TSPAN4: variants seen among roughly 807,000 people sequenced by gnomAD.
TSPAN4 encodes the protein tetraspanin-4.
A neutral mutation model predicts 31.5 loss-of-function variants in TSPAN4; 38 were observed. The observed-to-expected ratio is 1.21, with a 90% CI of 0.93 to 1.58. The LOEUF (loss-of-function observed/expected upper bound fraction) is 1.58. TSPAN4 is among the 40% of genes most tolerant of loss of function. The pLI is 0.00. For missense variants in TSPAN4, 330 were observed against 317.3 expected (o/e 1.04, Z -0.30); for synonymous variants, 186 against 144.6 (o/e 1.29, Z -2.06).
Position 865,741 on chromosome 11 carries a change from C to T in TSPAN4, c.480C>T (p.Tyr160=). ...ACTACACTGACTGGTTCGAGGTGTA[C>T]AACGCCACGCGGGTACCTGACTCCT... ...VSNYTDWFEV[Y]NATRVPDSCC... is the part of the protein sequence containing the mutation. Residue 160 remains tyrosine (Y), a synonymous_variant, in exon 7 of 9, where the codon TAC becomes TAT. Transcript: ENST00000397397. The T allele has an allele frequency of 6.2e-7, 1 of 1,613,264 alleles. No individual in the cohort carries two copies.
chr11:843,995 T>G (rs1245630925), intron 1 of TSPAN4: 3 of 152,256 alleles, frequency 2.0e-5, no homozygotes, highest in African/African-American at 4.8e-5. Flanking sequence ...GCTTCCCCAG[T>G]GGCATTTGCC....
At chr11:850,119 C>A in intron 2 of TSPAN4, 169 bp from the exon 3 acceptor site, 1 of 491,436 alleles carries the variant, frequency 2.0e-6, no homozygotes, top group Non-Finnish European at 3.6e-6. Context: ...CGGCCCCTTC[C>A]GGCGCTACAG....
intron 4 of TSPAN4, 81 bp downstream of exon 4, chr11:862,822 C>T (rs1848537318): frequency 2.1e-6 from 3 of 1,405,226 alleles, no homozygotes; most frequent in Non-Finnish European, 2.8e-6. Context: ...TTGGCTGCCG[C>T]AGTGACCCCC....
rs1848746866 is a variant in TSPAN4 at position 865,771 on chromosome 11, C to T, written c.510C>T (p.Cys170=). The change falls in exon 7 of 9, where the codon TGC becomes TGT. Residue 170 remains cysteine, a synonymous_variant. Transcript: ENST00000397397. The part of the protein sequence containing the change: ...YNATRVPDSC[C]LEFSESCGLH... ...CCACGCGGGTACCTGACTCCTGCTG[C>T]TTGGAGTTCAGTGAGAGCTGTGGGC... The T allele has an allele frequency of 6.2e-7, 1 of 1,612,956 alleles. No individual in the cohort carries two copies. Among genetic ancestry groups the T allele is most frequent in the Non-Finnish European group, 8.5e-7 (1 of 1,179,814 alleles).
chr11:863,029 A>G lies in TSPAN4; in HGVS notation c.255+288A>G, dbSNP rs117361112. The G allele has an allele frequency of 0.011, 4,249 of 378,410 alleles. 304 individuals are homozygous for G. In the East Asian group the frequency reaches 0.15, roughly 13 times the overall value. The allele number at this position is 378,410 out of a possible 1,614,324, so 23.4% of individuals were successfully genotyped here. A position where few individuals can be genotyped will look rare whatever the true frequency, so the allele number is the denominator to read the frequency against. The stretch of plus-strand genomic sequence containing the variant: ...GACACTGGCCCTGGTGAGTGCAGGC[A>G]CAGCCCCGCACACACGTACACACGC... On this transcript the variant is annotated intron_variant, in intron 4 of 8. Transcript: ENST00000397397.
At chr11:853,567 G>T (rs892481122) in intron 3 of TSPAN4, among the ~76,000 whole-genome samples, 2 of 152,118 alleles carry the variant, frequency 1.3e-5, no homozygotes, top group African/African-American at 4.8e-5. Context: ...GCAAGAGTCT[G>T]TGCTCAGAGC....
intron 2 of TSPAN4, among the ~76,000 whole-genome samples, chr11:849,211 C>T (rs914580210): frequency 5.9e-5 from 9 of 151,876 alleles, no homozygotes; most frequent in Non-Finnish European, 8.8e-5. Context: ...TGCGGGGCTG[C>T]CTGGTGGAGG....
At position 848,993 on chromosome 11, in the gene TSPAN4, G is replaced by T; in HGVS notation, c.-17-1295G>T. On this transcript the variant is annotated intron_variant, in intron 2 of 8. Coordinates refer to ENST00000397397, the MANE Select transcript of TSPAN4 (RefSeq NM_003271.5). The surrounding 1 kb of genome is among the most constrained non-coding windows in gnomAD (Gnocchi z 5.7). ...CTTTTACAGGCTGACTTCCAGCCTG[G>T]GCTGGAGCAAAATGAAATTCTGGGC... 1.6e-6 allele frequency: 1 copy of T among 622,586 alleles called. No individual in the cohort carries two copies. 38.6% of individuals were successfully genotyped at this position (622,586 alleles called of 1,614,324 possible).
chr11:856,766 C>T (rs1848066456), intron 3 of TSPAN4: 1 of 152,290 alleles, frequency 6.6e-6, no homozygotes, highest in African/African-American at 2.4e-5. Context: ...CAGCCCTGCT[C>T]ATCCTGCTTT....
chr11:866,018 T>C lies in TSPAN4; in HGVS notation c.648+17T>C. 6.2e-7 allele frequency: 1 copy of C among 1,609,986 alleles called. No homozygotes were observed. ...CTGGTGCAGGTATGGCCTGGGGGCC[T>C]GCGGGCTCCCTGCCCCCACTTTGTT... On this transcript the variant is annotated intron_variant, in intron 8 of 8. Coordinates refer to ENST00000397397, the MANE Select transcript of TSPAN4 (RefSeq NM_003271.5).
chr11:847,668 C>T (rs993438883), intron 2 of TSPAN4, among the ~76,000 whole-genome samples: 1 of 119,528 alleles, frequency 8.4e-6, no homozygotes, highest in South Asian at 2.9e-4. Flanking sequence ...TTTTTGATTT[C>T]TTCTTGAATA....
At chr11:856,011 T>C (rs1848023802) in intron 3 of TSPAN4, among the ~76,000 whole-genome samples, 1 of 152,168 alleles carries the variant, frequency 6.6e-6, no homozygotes, top group Non-Finnish European at 1.5e-5. Context: ...CTCGATGGAC[T>C]CCAGTGACTG....
chr11:850,139 C>A (rs535682678), intron 2 of TSPAN4, 149 bp from the exon 3 acceptor site: 1 of 591,854 alleles, frequency 1.7e-6, no homozygotes, highest in East Asian at 3.1e-5. Context: ...GCAGCCTATA[C>A]GGGCGCGCGG....
At chr11:846,884 C>T (rs1001175730) in intron 1 of TSPAN4, among the ~76,000 whole-genome samples, 4 of 152,136 alleles carry the variant, frequency 2.6e-5, no homozygotes, top group African/African-American at 7.2e-5. Flanking sequence ...GCTGTGAGTA[C>T]GTCTTTGAAC....
At chr11:855,040 C>T (rs1847971154) in intron 3 of TSPAN4, among the ~76,000 whole-genome samples, 1 of 152,244 alleles carries the variant, frequency 6.6e-6, no homozygotes. Flanking sequence ...AGCGGTCGGT[C>T]GGGGGACACT....
chr11:855,296 G>A (rs977688627), intron 3 of TSPAN4, among the ~76,000 whole-genome samples: 8 of 152,216 alleles, frequency 5.3e-5, no homozygotes, highest in Non-Finnish European at 1.0e-4. Context: ...GGGGACGGGA[G>A]TGAGCGTGGG....
At chr11:866,133 G>A (rs11246335) in intron 8 of TSPAN4, 132 bp downstream of exon 8, 36,610 of 931,640 alleles carry the variant, frequency 0.039, 927 homozygotes, top group Non-Finnish European at 0.051. Flanking sequence ...GCAGGAGGGC[G>A]AGTTCAGGGG....
chr11:865,232 CGTGTCCCGATACGTGGAGGCACCT>C, intron 5 of TSPAN4: 2 of 462,186 alleles, frequency 4.3e-6, no homozygotes, highest in South Asian at 5.0e-5. Context: ...CATGGCTGCA[CGTGTCCCGATACGTGGAGGCACCT>C]GTGTCCCTGT....
intron 3 of TSPAN4, among the ~76,000 whole-genome samples, chr11:855,930 T>TGGCCG (rs1471801156): frequency 2.0e-5 from 3 of 152,280 alleles, no homozygotes; most frequent in African/African-American, 7.2e-5. Flanking sequence ...CAAAGCCGCA[T>TGGCCG]GGCCAGAGGG....
Sources: gnomAD v4.1 joint callset for allele counts (sites outside exome capture counted in the v4.1 genomes callset) on GRCh38, gnomAD v4.1.1 for gene constraint, Gnocchi (gnomAD v3.1) non-coding constraint, MANE v1.5 for transcripts, NCBI Gene and HGNC (gene_info 2026-07-23, HGNC 2026-07-21) for gene names.